The following ACYP2 variants were observed in gnomAD, a reference collection of about 807,000 sequenced individuals.
ACYP2 encodes acylphosphatase 2.
In ACYP2, 12 loss-of-function variants were observed where a neutral mutation model predicts 11.2. The observed-to-expected ratio is 1.08, with a 90% CI of 0.69 to 1.74. The LOEUF is 1.74. Ranked by LOEUF, ACYP2 falls within the 40% of genes most tolerant of loss-of-function variation. ACYP2 has a pLI of 0.00. For missense variants in ACYP2, 134 were observed against 101.9 expected, an observed-to-expected ratio of 1.31 and a Z score of -1.35; for synonymous variants, 43 against 32.2, an observed-to-expected ratio of 1.33 and a Z score of -1.13.
At chr2:54,215,562 A>G (rs896616258) in intron 6 of ACYP2, among the ~76,000 whole-genome samples, 1 of 152,116 alleles carries the variant, frequency 6.6e-6, no homozygotes, top group African/African-American at 2.4e-5. Context: ...AATACTTACT[A>G]TGATACCATG....
At chr2:53,973,128 C>T (rs1342726643) in intron 1 of ACYP2, among the ~76,000 whole-genome samples, 2 of 152,104 alleles carry the variant, frequency 1.3e-5, no homozygotes, top group Admixed American at 1.3e-4. Context: ...AACAATCCTA[C>T]CTTAGGTAGC....
intron 2 of ACYP2, among the ~76,000 whole-genome samples, chr2:53,986,129 AAATAAT>A (rs901011946): frequency 2.0e-5 from 3 of 151,696 alleles, no homozygotes; most frequent in African/African-American, 7.3e-5. Flanking sequence ...TCCATCTCAA[AAATAAT>A]AATAATAATA....
intron 6 of ACYP2, among the ~76,000 whole-genome samples, chr2:54,278,934 G>A (rs1266175649): frequency 2.6e-5 from 4 of 152,138 alleles, no homozygotes; most frequent in Non-Finnish European, 5.9e-5. Context: ...GTCCAGTCAT[G>A]GAGCTCTGTG....
chr2:54,082,515 AGATTACAGGTGTGAG>A (rs953291136), intron 4 of ACYP2: 24 of 152,246 alleles, frequency 1.6e-4, no homozygotes, highest in African/African-American at 5.8e-4. Context: ...CAAAGTGCTG[AGATTACAGGTGTGAG>A]CCACCACACC....
At position 54,115,765 on chromosome 2, in the gene ACYP2, C is replaced by A. The variant is rs1478267770; in HGVS notation, c.278-19688C>A. The stretch of plus-strand genomic sequence containing the variant: ...GTTCGGAAGAGTGCAGGGTAGGAGG[C>A]CCCTCTACGGTGGGAGATCAAAAAG... On this transcript the variant is annotated intron_variant, in intron 4 of 6. Transcript: ENST00000607452. 1 of 1,598,556 alleles carries A rather than the reference C, an allele frequency of 6.3e-7. No homozygotes were observed.
chr2:54,301,940 C>A (rs1689742662), intron 6 of ACYP2, among the ~76,000 whole-genome samples: 1 of 152,100 alleles, frequency 6.6e-6, no homozygotes, highest in African/African-American at 2.4e-5. Context: ...ATATATGGAG[C>A]CATGACACAA....
chr2:54,003,420 C>T (rs562501553), intron 2 of ACYP2, among the ~76,000 whole-genome samples: 85 of 152,160 alleles, frequency 5.6e-4, no homozygotes, highest in Admixed American at 1.0e-3. Context: ...CCACCACATC[C>T]GGCTAATTTT....
chr2:54,218,693 A>ACTGGTAATAG (rs1685661066), intron 6 of ACYP2, among the ~76,000 whole-genome samples: 1 of 151,836 alleles, frequency 6.6e-6, no homozygotes, highest in Non-Finnish European at 1.5e-5. Context: ...GGGGTGGTAT[A>ACTGGTAATAG]GTGGTACTAG....
chr2:54,225,436 C>CT (rs200623286), intron 6 of ACYP2, among the ~76,000 whole-genome samples: 304 of 151,610 alleles, frequency 2.0e-3, no homozygotes, highest in African/African-American at 4.0e-3. Flanking sequence ...TGTAATAACA[C>CT]TTTTTTTTTC....
chr2:53,976,388 G>A (rs1010037982), intron 2 of ACYP2, among the ~76,000 whole-genome samples: 1 of 152,054 alleles, frequency 6.6e-6, no homozygotes, highest in Non-Finnish European at 1.5e-5. Flanking sequence ...TTAATTTCTT[G>A]TAGAGATAGA....
At chr2:53,974,708 C>G (rs908789058) in intron 2 of ACYP2, among the ~76,000 whole-genome samples, 5 of 152,062 alleles carry the variant, frequency 3.3e-5, no homozygotes, top group Admixed American at 3.3e-4. Context: ...GACAAAAGAT[C>G]AAGATAATGT....
At chr2:54,025,936 G>A (rs1255876917) in intron 2 of ACYP2, among the ~76,000 whole-genome samples, 1 of 152,166 alleles carries the variant, frequency 6.6e-6, no homozygotes, top group African/African-American at 2.4e-5. Context: ...GGCCAACATG[G>A]TGAAACCCCA....
At chr2:54,201,668 TTCTTTCTTTCTTTCTCTC>T (rs1558609097) in intron 6 of ACYP2, among the ~76,000 whole-genome samples, 104 of 109,988 alleles carry the variant, frequency 9.5e-4, no homozygotes, top group African/African-American at 3.6e-3. Context: ...CTTTCTTTCT[TTCTTTCTTTCTTTCTCTC>T]TCTCTCTCTC....
At chr2:54,079,750 T>C (rs1677546439) in intron 4 of ACYP2, among the ~76,000 whole-genome samples, 1 of 152,218 alleles carries the variant, frequency 6.6e-6, no homozygotes, top group Admixed American at 6.5e-5. Flanking sequence ...TTGAGAGTTC[T>C]CTTTAAGAAA....
intron 4 of ACYP2, chr2:54,115,628 C>G (rs767196072): frequency 6.4e-7 from 1 of 1,570,152 alleles, no homozygotes; most frequent in Non-Finnish European, 8.6e-7. Flanking sequence ...TGTCCCCTCC[C>G]TCTCGCAGCC....
intron 2 of ACYP2, among the ~76,000 whole-genome samples, chr2:53,989,277 CTTT>C (rs775237196): frequency 2.1e-5 from 2 of 94,816 alleles, no homozygotes; most frequent in East Asian, 6.5e-4. Flanking sequence ...GTAGACAATT[CTTT>C]TTTTTTTTTT....
chr2:54,031,298 C>G (rs148916918), intron 2 of ACYP2, among the ~76,000 whole-genome samples: 114 of 138,278 alleles, frequency 8.2e-4, no homozygotes, highest in African/African-American at 2.9e-3. Flanking sequence ...ACATCAGGCC[C>G]TGGTGTGTAA....
intron 6 of ACYP2, among the ~76,000 whole-genome samples, chr2:54,187,440 A>G (rs977536258): frequency 2.0e-5 from 3 of 152,150 alleles, no homozygotes; most frequent in African/African-American, 2.4e-5. Context: ...ATGGCCTGAG[A>G]CTACGTCCAG....
intron 4 of ACYP2, among the ~76,000 whole-genome samples, chr2:54,073,140 G>T (rs904447433): frequency 1.3e-5 from 2 of 152,170 alleles, no homozygotes; most frequent in African/African-American, 2.4e-5. Flanking sequence ...AATGGGAAAA[G>T]AATAGTCTTT....
Sources: allele counts gnomAD v4.1 joint callset (sites outside exome capture counted in the v4.1 genomes callset), GRCh38; gene constraint gnomAD v4.1.1; transcripts MANE v1.5; gene names NCBI Gene and HGNC (gene_info 2026-07-23, HGNC 2026-07-21).